The following DNAJB1 variants were observed in gnomAD, a reference collection of about 807,000 sequenced individuals.
DNAJB1 encodes the protein dnaJ homolog subfamily B member 1.
A neutral mutation model predicts 24.0 loss-of-function variants in DNAJB1; 14 were observed. That is an observed-to-expected ratio of 0.58 (90% CI 0.39 to 0.91). DNAJB1 has a LOEUF of 0.91. DNAJB1 is among the 40% of genes least tolerant of loss of function. The pLI is 0.00. For synonymous variants in DNAJB1, 262 were observed against 174.4 expected, an observed-to-expected ratio of 1.50 and a Z score of -3.96; for missense variants, 517 against 458.1, an observed-to-expected ratio of 1.13 and a Z score of -1.17.
chr19:14,545,124 A>G (rs894166987), intron 1 of DNAJB1: 2 of 456,538 alleles, frequency 4.4e-6, no homozygotes, highest in Non-Finnish European at 8.8e-6. Context: ...CAGAGAGATG[A>G]TTCTTCAAGA....
At chr19:14,517,156 T>C in intron 1 of DNAJB1, 110 bp from the exon 2 acceptor site, 1 of 1,174,644 alleles carries the variant, frequency 8.5e-7, no homozygotes, top group Non-Finnish European at 1.2e-6. Flanking sequence ...CTTTTTTGTC[T>C]GTCAGGGGAG....
upstream of DNAJB1, among the ~76,000 whole-genome samples, chr19:14,553,555 C>T (rs1224649254): frequency 6.6e-6 from 1 of 152,136 alleles, no homozygotes. Context: ...GTGCAGGGTT[C>T]CTGGCAGCTG....
rs138322666 is a variant in DNAJB1, at chr19:14,515,867, C to T, written c.*73G>A. The T allele has an allele frequency of 8.6e-4, 1,262 of 1,469,856 alleles. 11 individuals carry two copies. The African/African-American group carries it at 0.015, about 18-fold the overall frequency. The allele number at this position is 1,469,856 out of a possible 1,614,324, so 91.1% of individuals were successfully genotyped here. On this transcript the variant is annotated 3_prime_UTR_variant, in exon 3 of 3. Coordinates refer to ENST00000254322, the MANE Select transcript of DNAJB1 (RefSeq NM_006145.3). ...GGCCCTCCCACCCTCTCATGGTCCA[C>T]AACTGGTAGAAAGGTCCAGAAATCC...
intron 1 of DNAJB1, among the ~76,000 whole-genome samples, chr19:14,535,567 T>TATATATAC: frequency 6.1e-5 from 1 of 16,318 alleles, no homozygotes; most frequent in Non-Finnish European, 1.4e-4. Flanking sequence ...TATATATATA[T>TATATATAC]ATATATATAT....
chr19:14,541,977 T>A (rs1419552973), intron 1 of DNAJB1, among the ~76,000 whole-genome samples: 2 of 152,082 alleles, frequency 1.3e-5, no homozygotes, highest in African/African-American at 4.8e-5. Context: ...GTAGACCGGG[T>A]TTCACATGTT....
intron 2 of DNAJB1, among the ~76,000 whole-genome samples, chr19:14,523,662 T>C (rs1182524716): frequency 6.8e-6 from 1 of 147,582 alleles, no homozygotes; most frequent in Non-Finnish European, 1.5e-5. Context: ...CTGTCACCCA[T>C]GCTGGAGCAC....
intron 1 of DNAJB1, chr19:14,517,735 C>T (rs1333649619): frequency 5.8e-6 from 1 of 172,832 alleles, no homozygotes; most frequent in Non-Finnish European, 1.2e-5. Flanking sequence ...CACAACCCCT[C>T]GCCCCGCAGC....
rs938141167 is a variant in DNAJB1 at position 14,516,091 on chromosome 19, G to C, written c.872C>G (p.Pro291Arg). ...IPVVFKDVIR[P>R]GMRRKVPGEG... The stretch of plus-strand genomic sequence containing the variant: ...TCCAGGAACTTTTCGCCGCATGCCA[G>C]GCCTGATAACATCTTTGAATACGAC... Residue 291 changes from proline (P) to arginine (R), a missense_variant, in exon 3 of 3, where the codon CCT becomes CGT. Physicochemically the swap from Pro to Arg is moderately radical, Grantham distance 103. Transcript: ENST00000254322. 6.2e-7 allele frequency: 1 copy of C among 1,613,960 alleles called. No homozygotes were observed.
chr19:14,558,409 C>T (rs1374145268), intron 1 of DNAJB1, among the ~76,000 whole-genome samples: 3 of 152,208 alleles, frequency 2.0e-5, no homozygotes, highest in Non-Finnish European at 4.4e-5. Context: ...CGCCCCTGCT[C>T]CCTCTTGCAG....
chr19:14,555,182 G>A (rs1230667095), upstream of DNAJB1, among the ~76,000 whole-genome samples: 1 of 151,662 alleles, frequency 6.6e-6, no homozygotes, highest in Non-Finnish European at 1.5e-5. Flanking sequence ...AGGCTTAAGC[G>A]ATCCTTCTGT....
intron 1 of DNAJB1, among the ~76,000 whole-genome samples, chr19:14,559,893 G>A (rs1017929297): frequency 1.2e-4 from 18 of 152,166 alleles, no homozygotes; most frequent in African/African-American, 4.3e-4. Flanking sequence ...GGAGATGGCC[G>A]ACGAGCTGGG....
At chr19:14,525,624 A>G (rs1357674498) in intron 2 of DNAJB1, among the ~76,000 whole-genome samples, 2 of 152,232 alleles carry the variant, frequency 1.3e-5, no homozygotes, top group African/African-American at 4.8e-5. Context: ...GTATCAGGAC[A>G]GAAAGCAGAT....
At chr19:14,555,438 CTTTTTTTTTT>C (rs747503834) in intron 1 of DNAJB1, among the ~76,000 whole-genome samples, 47 of 92,900 alleles carry the variant, frequency 5.1e-4, no homozygotes, top group Non-Finnish European at 7.9e-4. Flanking sequence ...TTTATTTATT[CTTTTTTTTTT>C]TTTTTTTTTT....
intron 1 of DNAJB1, among the ~76,000 whole-genome samples, chr19:14,556,515 C>T (rs1311090101): frequency 1.3e-5 from 2 of 152,112 alleles, no homozygotes; most frequent in Non-Finnish European, 2.9e-5. Context: ...TCTGCCCCCA[C>T]CCCCTGCTTG....
At chr19:14,542,376 T>TTTTTTTTTTTC (rs1762683142) in intron 1 of DNAJB1, among the ~76,000 whole-genome samples, 1 of 110,124 alleles carries the variant, frequency 9.1e-6, no homozygotes, top group African/African-American at 3.6e-5. Context: ...TTTTTTTTTT[T>TTTTTTTTTTTC]CTGAGATGGA....
At chr19:14,529,658 G>C (rs752733365), upstream of DNAJB1, 1 of 1,613,858 alleles carries the variant, frequency 6.2e-7, no homozygotes, top group Non-Finnish European at 8.5e-7. Flanking sequence ...CAGTTAGGCA[G>C]CAGCAGCCGC....
At chr19:14,529,657 A>G (rs2072537886), upstream of DNAJB1, 5 of 1,613,780 alleles carry the variant, frequency 3.1e-6, no homozygotes, top group Non-Finnish European at 4.2e-6. Flanking sequence ...GCAGTTAGGC[A>G]GCAGCAGCCG....
intron 1 of DNAJB1, among the ~76,000 whole-genome samples, chr19:14,538,229 G>A (rs138859388): frequency 1.3e-5 from 2 of 152,274 alleles, no homozygotes; most frequent in East Asian, 1.9e-4. Context: ...GCTGTGGGTC[G>A]TGCACTGGGG....
At chr19:14,543,109 C>A (rs965064701) in intron 1 of DNAJB1, among the ~76,000 whole-genome samples, 1 of 150,802 alleles carries the variant, frequency 6.6e-6, no homozygotes, top group Non-Finnish European at 1.5e-5. Flanking sequence ...TAACACAAGC[C>A]CTGGGGCTTC....
Sources: gnomAD v4.1 joint callset for allele counts (sites outside exome capture counted in the v4.1 genomes callset) on GRCh38, gnomAD v4.1.1 for gene constraint, MANE v1.5 for transcripts, NCBI Gene and HGNC (gene_info 2026-07-23, HGNC 2026-07-21) for gene names.